Variants in STARD7 observed in about 807,000 individuals in gnomAD.
STARD7 encodes StAR related lipid transfer domain containing 7.
A neutral mutation model predicts 45.3 loss-of-function variants in STARD7; 30 were observed. The observed-to-expected ratio is 0.66, with a 90% CI of 0.50 to 0.90. The LOEUF (loss-of-function observed/expected upper bound fraction) is 0.90. Among genes scored for constraint, STARD7 ranks in the 40% least tolerant of loss-of-function variants. The pLI, the probability that STARD7 is intolerant of heterozygous loss-of-function variation, is 0.00. For missense variants in STARD7, 495 were observed against 491.3 expected, an observed-to-expected ratio of 1.01 and a Z score of -0.07; for synonymous variants, 199 against 183.0, an observed-to-expected ratio of 1.09 and a Z score of -0.70.
At chr2:96,202,585 T>C (rs1683323393) in intron 1 of STARD7, among the ~76,000 whole-genome samples, 1 of 152,194 alleles carries the variant, frequency 6.6e-6, no homozygotes, top group African/African-American at 2.4e-5. Context: ...GATTACAGCA[T>C]TTTTGAGGTC....
intron 1 of STARD7, among the ~76,000 whole-genome samples, chr2:96,204,121 T>C (rs1040246430): frequency 2.7e-5 from 4 of 150,734 alleles, no homozygotes; most frequent in African/African-American, 9.8e-5. Context: ...TAAACAGGCG[T>C]GGTGGCACCC....
intron 1 of STARD7, among the ~76,000 whole-genome samples, chr2:96,204,996 A>T (rs1380842015): frequency 6.6e-6 from 1 of 152,186 alleles, no homozygotes; most frequent in Admixed American, 6.5e-5. Flanking sequence ...ATTTCTTAAC[A>T]TCCTTCCTCT....
In STARD7 at chr2:96,191,795, A is replaced by G. The variant is rs546053349; in HGVS notation, c.843+574T>C. Among the ~76,000 whole-genome samples, 30 of 152,314 alleles carry G rather than the reference A, an allele frequency of 2.0e-4. 1 individual carries two copies. Among genetic ancestry groups the G allele is most frequent in the Non-Finnish European group, 4.0e-4 (27 of 68,024 alleles). On this transcript the variant is annotated intron_variant, in intron 6 of 7. Coordinates refer to ENST00000337288, the MANE Select transcript of STARD7 (RefSeq NM_020151.4). ...GAACACAAGCAATAGGGAGAAACAA[A>G]GCCATTATAAGGTGAAGTGGAACTA...
At chr2:96,202,414 A>C (rs1307835358) in intron 1 of STARD7, among the ~76,000 whole-genome samples, 1 of 152,216 alleles carries the variant, frequency 6.6e-6, no homozygotes, top group Non-Finnish European at 1.5e-5. Flanking sequence ...AAATTAACCA[A>C]GACCAGTTTC....
chr2:96,196,602 C>T (rs1442613213), intron 1 of STARD7, among the ~76,000 whole-genome samples: 1 of 152,204 alleles, frequency 6.6e-6, no homozygotes, highest in African/African-American at 2.4e-5. Flanking sequence ...GCTGGGACTA[C>T]AGGCACGCGC....
intron 1 of STARD7, 123 bp from the exon 2 acceptor site, chr2:96,195,672 C>G (rs933399547): frequency 1.5e-6 from 1 of 673,656 alleles, no homozygotes; most frequent in East Asian, 2.7e-5. Flanking sequence ...ATAAACAGGA[C>G]ACAGTATAGT....
At chr2:96,204,182 C>T (rs1215805999) in intron 1 of STARD7, among the ~76,000 whole-genome samples, 1 of 151,936 alleles carries the variant, frequency 6.6e-6, no homozygotes, top group Non-Finnish European at 1.5e-5. Context: ...ATAGCTGGAA[C>T]CAGGGAGGCG....
chr2:96,197,104 A>C (rs571190637), intron 1 of STARD7, among the ~76,000 whole-genome samples: 3,558 of 141,108 alleles, frequency 0.025, 159 homozygotes, highest in South Asian at 0.037. Flanking sequence ...AATAAAATAA[A>C]ATAAAATAAA....
chr2:96,185,376 G>GA lies in STARD7; in HGVS notation c.*1353dup, dbSNP rs1464507355. 108 of 140,244 alleles carry GA rather than the reference G, an allele frequency of 7.7e-4. No individual in the cohort carries two copies. The highest frequency in any genetic ancestry group is 9.1e-4 in the African/African-American group (35 of 38,526). The allele number at this position is 140,244 out of a possible 1,614,324, so 8.7% of individuals were successfully genotyped here. A position where few individuals can be genotyped will look rare whatever the true frequency, so the allele number is the denominator to read the frequency against. On this transcript the variant is annotated 3_prime_UTR_variant, in exon 8 of 8. Coordinates refer to ENST00000337288, the MANE Select transcript of STARD7 (RefSeq NM_020151.4). ...AACACCACAAAACAGTAGCAAGCAG[G>GA]AAAACAAAAACAAAAACAAAAACAA...
chr2:96,206,733 G>A (rs1041213815), intron 1 of STARD7, among the ~76,000 whole-genome samples: 2 of 149,752 alleles, frequency 1.3e-5, no homozygotes, highest in Non-Finnish European at 1.5e-5. Context: ...CCCGGGAGGC[G>A]GAGCTTGCAG....
In STARD7 at chr2:96,186,025, T is replaced by G. The variant is rs1275155466; in HGVS notation, c.*705A>C. On this transcript the variant is annotated 3_prime_UTR_variant, in exon 8 of 8. Transcript: ENST00000337288. The stretch of plus-strand genomic sequence containing the variant: ...CTGGCCGATTCACAGGAAACTTGCT[T>G]TGGATAAGGTGAGTCAATGGGTGAT... 2 of 152,128 alleles carry G rather than the reference T, an allele frequency of 1.3e-5. No homozygotes were observed. Among genetic ancestry groups the G allele is most frequent in the Admixed American group, 1.3e-4 (2 of 15,260 alleles). The allele number at this position is 152,128 out of a possible 1,614,324, so 9.4% of individuals were successfully genotyped here.
chr2:96,197,070 A>AAACTAAACTAAACTAAAC (rs1573943516), intron 1 of STARD7, among the ~76,000 whole-genome samples: 1 of 96,392 alleles, frequency 1.0e-5, no homozygotes, highest in Non-Finnish European at 2.0e-5. Flanking sequence ...CCGTCTCAAA[A>AAACTAAACTAAACTAAAC]TAAAATAAAA....
Position 96,208,741 on chromosome 2 carries a change from G to A in STARD7, c.-307C>T, listed in dbSNP as rs767126633. 12 of 409,228 alleles carry A rather than the reference G, an allele frequency of 2.9e-5. No individual in the cohort carries two copies. Among genetic ancestry groups the A allele is most frequent in the African/African-American group, 1.2e-4 (6 of 48,728 alleles). 25.3% of individuals were successfully genotyped at this position (409,228 alleles called of 1,614,324 possible). The stretch of plus-strand genomic sequence containing the variant: ...CGGCGACCTCCAGCGGGCGCCCGGG[G>A]CCGGGATGCAGGGCGCGCGGACAGA... On this transcript the variant is annotated 5_prime_UTR_variant, in exon 1 of 8. Transcript: ENST00000337288.
chr2:96,201,827 G>T (rs1373563400), intron 1 of STARD7, among the ~76,000 whole-genome samples: 1 of 152,102 alleles, frequency 6.6e-6, no homozygotes, highest in Non-Finnish European at 1.5e-5. Flanking sequence ...ATATATTGCT[G>T]CAAAAGCCAA....
rs917384584 is a variant in STARD7, at chr2:96,185,435, AAGG to A, written c.*1292_*1294del. On this transcript the variant is annotated 3_prime_UTR_variant, in exon 8 of 8. Transcript: ENST00000337288. ...GCCCTCAAGACTCCAGAAAAAAGGG[AAGG>A]AGGAGGATTTAAAACTTGATCCCTA... The A allele has an allele frequency of 4.6e-5, 7 of 152,274 alleles. No homozygotes were observed. The highest frequency in any genetic ancestry group is 9.6e-5 in the African/African-American group (4 of 41,468). The allele number at this position is 152,274 out of a possible 1,614,324, so 9.4% of individuals were successfully genotyped here.
At position 96,201,409 on chromosome 2, in the gene STARD7, T is replaced by TAAAAAAAAAAAAA. The variant is rs60808208; in HGVS notation, c.291-5873_291-5861dup. Among the ~76,000 whole-genome samples, 238 of 109,514 alleles carry TAAAAAAAAAAAAA rather than the reference T, an allele frequency of 2.2e-3. 1 individual carries two copies. The highest frequency in any genetic ancestry group is 8.1e-3 in the African/African-American group (224 of 27,752). 71.8% of individuals were successfully genotyped at this position (109,514 alleles called of 152,430 possible). A position where few individuals can be genotyped will look rare whatever the true frequency, so the allele number is the denominator to read the frequency against. ...TGGGCAACATGCAAAACTCCACCTCTAAAAAAAAAAAAAAAAAATTACACA... is the reference window on the plus strand; with the variant it reads ...TGGGCAACATGCAAAACTCCACCTCTAAAAAAAAAAAAAAAAAAAAAAAAAAAAAAATTACACA... On this transcript the variant is annotated intron_variant, in intron 1 of 7. Transcript: ENST00000337288.
intron 1 of STARD7, among the ~76,000 whole-genome samples, chr2:96,201,254 GC>G (rs1683299261): frequency 6.6e-6 from 1 of 151,726 alleles, no homozygotes; most frequent in East Asian, 1.9e-4. Context: ...ATGAAAATAG[GC>G]CTCAGTAATC....
chr2:96,196,655 G>A (rs1174643474), intron 1 of STARD7, among the ~76,000 whole-genome samples: 1 of 152,010 alleles, frequency 6.6e-6, no homozygotes, highest in Non-Finnish European at 1.5e-5. Context: ...CAGAGACAGG[G>A]TTTCACCGTG....
intron 2 of STARD7, 71 bp downstream of exon 2, chr2:96,195,270 A>G (rs1683184005): frequency 4.6e-6 from 6 of 1,317,558 alleles, no homozygotes; most frequent in South Asian, 3.8e-5. Flanking sequence ...CAGTTTAGAG[A>G]AGTATGAAGA....
Sources: allele counts gnomAD v4.1 joint callset (sites outside exome capture counted in the v4.1 genomes callset), GRCh38; gene constraint gnomAD v4.1.1; transcripts MANE v1.5; gene names NCBI Gene and HGNC (gene_info 2026-07-23, HGNC 2026-07-21).